The following CCDC178 variants were observed in gnomAD, a reference collection of about 807,000 sequenced individuals.
CCDC178 encodes coiled-coil domain-containing protein 178.
Under a neutral mutation model 117.4 loss-of-function variants are expected in CCDC178, and 126 were observed. That is an observed-to-expected ratio of 1.07 (90% CI 0.93 to 1.24). The LOEUF (loss-of-function observed/expected upper bound fraction) is 1.24. CCDC178 is among the 50% of genes most tolerant of loss of function. CCDC178 has a pLI of 0.00. For missense variants in CCDC178, 1,030 were observed against 986.9 expected, an observed-to-expected ratio of 1.04 and a Z score of -0.59; for synonymous variants, 283 against 313.4, an observed-to-expected ratio of 0.90 and a Z score of 1.02.
intron 22 of CCDC178, among the ~76,000 whole-genome samples, chr18:32,948,034 C>T (rs546420611): frequency 3.3e-5 from 5 of 151,980 alleles, no homozygotes; most frequent in Admixed American, 6.6e-5. Flanking sequence ...TGTTTGTGTC[C>T]GCTATTTTGT....
At chr18:33,184,798 G>A (rs271447) in intron 20 of CCDC178, among the ~76,000 whole-genome samples, 24,478 of 151,882 alleles carry the variant, frequency 0.16, 2,755 homozygotes, top group African/African-American at 0.32. Flanking sequence ...GAAAATGTGT[G>A]CAGTTATTAA....
intron 10 of CCDC178, among the ~76,000 whole-genome samples, chr18:33,331,086 C>T (rs1338147939): frequency 6.3e-5 from 7 of 110,330 alleles, no homozygotes; most frequent in Non-Finnish European, 1.0e-4. Flanking sequence ...TTCCCATTCA[C>T]AAGCCTGATC....
intron 11 of CCDC178, among the ~76,000 whole-genome samples, chr18:33,321,867 G>GA (rs942671763): frequency 1.1e-4 from 16 of 148,446 alleles, no homozygotes; most frequent in South Asian, 2.1e-4. Context: ...TTTTCAAACT[G>GA]AAAAAAAAAT....
chr18:33,145,836 C>T (rs2058261039), intron 20 of CCDC178, among the ~76,000 whole-genome samples: 2 of 152,098 alleles, frequency 1.3e-5, no homozygotes, highest in African/African-American at 4.8e-5. Flanking sequence ...AAGTGAACTT[C>T]CCTGGAGAGT....
Position 33,223,098 on chromosome 18 carries a change from A to T in CCDC178, c.1932+8T>A, listed in dbSNP as rs1354487701. 3.9e-6 allele frequency: 6 copies of T among 1,557,388 alleles called. No individual in the cohort carries two copies. The highest frequency in any genetic ancestry group is 5.3e-6 in the Non-Finnish European group (6 of 1,140,572). The stretch of plus-strand genomic sequence containing the variant: ...ATTCAAAATTAGATTCTGAACTTAA[A>T]TTCTTACCTCAGTTTCTATTAATGC... On this transcript the variant is annotated splice_region_variant and intron_variant, in intron 18 of 22. Coordinates refer to ENST00000383096, the MANE Select transcript of CCDC178 (RefSeq NM_001105528.4).
At chr18:33,410,886 C>T (rs1370163215) in intron 3 of CCDC178, among the ~76,000 whole-genome samples, 2 of 152,120 alleles carry the variant, frequency 1.3e-5, no homozygotes, top group African/African-American at 2.4e-5. Flanking sequence ...CTTGAAACTG[C>T]CAAAACCCAG....
At chr18:33,230,717 G>C (rs568608281) in intron 15 of CCDC178, among the ~76,000 whole-genome samples, 3 of 152,090 alleles carry the variant, frequency 2.0e-5, no homozygotes, top group African/African-American at 7.2e-5. Flanking sequence ...ATACAACAAG[G>C]CCTTTGAGAT....
chr18:33,350,924 A>G (rs2062968096), intron 7 of CCDC178, among the ~76,000 whole-genome samples: 1 of 152,150 alleles, frequency 6.6e-6, no homozygotes, highest in African/African-American at 2.4e-5. Context: ...AAAAGTGGAA[A>G]GAGTGGGCAT....
intron 3 of CCDC178, among the ~76,000 whole-genome samples, chr18:33,407,235 C>T (rs2063794091): frequency 6.6e-6 from 1 of 152,076 alleles, no homozygotes; most frequent in Admixed American, 6.6e-5. Flanking sequence ...AAGATACACA[C>T]TTTATATGAG....
chr18:33,021,613 C>G (rs2056119264), intron 21 of CCDC178, among the ~76,000 whole-genome samples: 1 of 152,182 alleles, frequency 6.6e-6, no homozygotes, highest in African/African-American at 2.4e-5. Flanking sequence ...GTATCACTCC[C>G]CTGCTTTCAT....
At chr18:33,311,258 C>A (rs1022923804) in intron 11 of CCDC178, among the ~76,000 whole-genome samples, 1 of 152,170 alleles carries the variant, frequency 6.6e-6, no homozygotes, top group African/African-American at 2.4e-5. Context: ...ACAAGACAAA[C>A]AATCCTATTT....
At chr18:33,179,505 C>T (rs2058709867) in intron 20 of CCDC178, among the ~76,000 whole-genome samples, 1 of 151,750 alleles carries the variant, frequency 6.6e-6, no homozygotes, top group East Asian at 1.9e-4. Context: ...TCTGCCATAA[C>T]ACAAAGGAAA....
chr18:33,200,408 C>T (rs1198254046), intron 20 of CCDC178, among the ~76,000 whole-genome samples: 4 of 152,152 alleles, frequency 2.6e-5, no homozygotes, highest in African/African-American at 4.8e-5. Flanking sequence ...AAGTTTAGTG[C>T]GATGTTTTTC....
intron 12 of CCDC178, among the ~76,000 whole-genome samples, chr18:33,286,672 C>T (rs1236089100): frequency 6.6e-6 from 1 of 151,930 alleles, no homozygotes; most frequent in Non-Finnish European, 1.5e-5. Flanking sequence ...TATGAAAATA[C>T]CAACTAATAT....
At chr18:33,113,864 AG>A (rs2145138052) in intron 20 of CCDC178, among the ~76,000 whole-genome samples, 1 of 152,160 alleles carries the variant, frequency 6.6e-6, no homozygotes, top group Admixed American at 6.6e-5. Context: ...GCTTCACCTT[AG>A]TGGTGGTTTA....
chr18:33,328,017 T>C, intron 10 of CCDC178: 1 of 379,932 alleles, frequency 2.6e-6, no homozygotes, highest in Non-Finnish European at 5.0e-6. Context: ...CTAAGTCCTA[T>C]TTTTCTATCA....
At chr18:33,213,931 T>C (rs1399457959) in intron 19 of CCDC178, among the ~76,000 whole-genome samples, 3 of 152,120 alleles carry the variant, frequency 2.0e-5, no homozygotes, top group African/African-American at 7.2e-5. Context: ...TTAGTCCTTA[T>C]TGGGGCCTGG....
Position 33,347,367 on chromosome 18 carries a change from G to A in CCDC178, c.458-956C>T, listed in dbSNP as rs575400489. The stretch of plus-strand genomic sequence containing the variant: ...TGGGAGTATTAAATAACGGTGATAA[G>A]CGCAAGCTCAGCAGTCATACAATCA... On this transcript the variant is annotated intron_variant, in intron 8 of 22. Transcript: ENST00000383096. Among the ~76,000 whole-genome samples the A allele has an allele frequency of 8.7e-4, 133 of 152,264 alleles. 1 individual carries two copies. In the Middle Eastern group the frequency reaches 0.017, roughly 19 times the overall value.
At chr18:33,121,940 GT>G (rs756332925) in intron 20 of CCDC178, among the ~76,000 whole-genome samples, 5 of 152,074 alleles carry the variant, frequency 3.3e-5, no homozygotes, top group Non-Finnish European at 7.4e-5. Context: ...ATTGCCTACA[GT>G]ATTCATTACA....
Sources: allele counts gnomAD v4.1 joint callset (sites outside exome capture counted in the v4.1 genomes callset), GRCh38; gene constraint gnomAD v4.1.1; transcripts MANE v1.5; gene names NCBI Gene and HGNC (gene_info 2026-07-23, HGNC 2026-07-21).